The following CSNK1G3 variants were observed in gnomAD, a reference collection of about 807,000 sequenced individuals.
CSNK1G3 encodes casein kinase I isoform gamma-3.
A neutral mutation model predicts 64.3 loss-of-function variants in CSNK1G3; 23 were observed. The observed-to-expected ratio is 0.36, with a 90% CI of 0.26 to 0.51. The LOEUF (loss-of-function observed/expected upper bound fraction) is 0.51. CSNK1G3 is among the 20% of genes least tolerant of loss of function. CSNK1G3 has a pLI of 0.96. For synonymous variants in CSNK1G3, 158 were observed against 162.2 expected (o/e 0.97, Z 0.20); for missense variants, 357 against 510.5 (o/e 0.70, Z 2.90).
intron 12 of CSNK1G3, among the ~76,000 whole-genome samples, chr5:123,608,059 A>T (rs997765608): frequency 6.6e-6 from 1 of 152,076 alleles, no homozygotes; most frequent in Non-Finnish European, 1.5e-5. Flanking sequence ...CCCCCCCAGT[A>T]GGTGGGACTA....
intron 4 of CSNK1G3, among the ~76,000 whole-genome samples, chr5:123,569,440 A>G (rs1032630621): frequency 6.6e-6 from 1 of 152,220 alleles, no homozygotes; most frequent in African/African-American, 2.4e-5. Flanking sequence ...CATACATTAA[A>G]ATCCATTGTA....
chr5:123,612,422 A>G (rs940543164), intron 12 of CSNK1G3, among the ~76,000 whole-genome samples: 2 of 152,050 alleles, frequency 1.3e-5, no homozygotes, highest in African/African-American at 4.8e-5. Context: ...TATATAAAAC[A>G]TACCTAGTAG....
chr5:123,555,148 A>G (rs1784399893), intron 3 of CSNK1G3, among the ~76,000 whole-genome samples: 1 of 152,226 alleles, frequency 6.6e-6, no homozygotes, highest in South Asian at 2.1e-4. Flanking sequence ...TCTTTAAAGC[A>G]CAATGATCAG....
At chr5:123,527,229 C>T (rs1452639568) in intron 1 of CSNK1G3, among the ~76,000 whole-genome samples, 1 of 152,118 alleles carries the variant, frequency 6.6e-6, no homozygotes, top group African/African-American at 2.4e-5. Context: ...TGTTCTGGAA[C>T]TATTATTTCT....
chr5:123,571,903 T>C lies in CSNK1G3; in HGVS notation c.290-1490T>C, dbSNP rs144728460. Among the ~76,000 whole-genome samples, 614 of 152,244 alleles carry C rather than the reference T, an allele frequency of 4.0e-3. 6 individuals are homozygous for C. The highest frequency in any genetic ancestry group is 6.0e-3 in the Non-Finnish European group (409 of 68,000). ...CTTGTCTAAAAGAAAATGATAGTTATTTACGAGTGGGCATTACAATGGGAA... is the reference window on the plus strand; with the variant it reads ...CTTGTCTAAAAGAAAATGATAGTTACTTACGAGTGGGCATTACAATGGGAA... On this transcript the variant is annotated intron_variant, in intron 4 of 12. Transcript: ENST00000345990.
intron 10 of CSNK1G3, among the ~76,000 whole-genome samples, chr5:123,602,054 G>A (rs980563173): frequency 3.3e-5 from 5 of 151,746 alleles, no homozygotes; most frequent in Non-Finnish European, 5.9e-5. Context: ...GAGAGAGAGA[G>A]AAAAATAAAG....
chr5:123,552,435 C>T (rs6892566), intron 2 of CSNK1G3, among the ~76,000 whole-genome samples: 90,827 of 151,580 alleles, frequency 0.6, 28,347 homozygotes, highest in African/African-American at 0.78. Flanking sequence ...TGAGCCACCA[C>T]GCCCGGCCAT....
intron 1 of CSNK1G3, among the ~76,000 whole-genome samples, chr5:123,526,841 T>C (rs1490433301): frequency 3.5e-5 from 1 of 28,576 alleles, no homozygotes; most frequent in Non-Finnish European, 6.3e-5. Flanking sequence ...ATGTACAGAT[T>C]GTGTGTGTGT....
chr5:123,554,110 A>G (rs1784178981), intron 3 of CSNK1G3, among the ~76,000 whole-genome samples: 1 of 152,174 alleles, frequency 6.6e-6, no homozygotes, highest in Non-Finnish European at 1.5e-5. Context: ...TCCACTATTT[A>G]ATTTTAAGTA....
chr5:123,568,488 A>T (rs937610171), intron 4 of CSNK1G3, among the ~76,000 whole-genome samples: 1 of 152,204 alleles, frequency 6.6e-6, no homozygotes, highest in African/African-American at 2.4e-5. Flanking sequence ...TGTTTTTTTA[A>T]AAAATGTTTG....
intron 2 of CSNK1G3, among the ~76,000 whole-genome samples, chr5:123,549,888 G>A (rs1007156515): frequency 1.2e-4 from 19 of 152,162 alleles, no homozygotes; most frequent in Admixed American, 6.5e-5. Context: ...TGTAACTTTT[G>A]ACATAATTAA....
At chr5:123,580,182 T>A (rs7736607) in intron 6 of CSNK1G3, among the ~76,000 whole-genome samples, 1 of 151,908 alleles carries the variant, frequency 6.6e-6, no homozygotes, top group African/African-American at 2.4e-5. Flanking sequence ...TGGTGATTAC[T>A]TTTAAAGCCT....
At chr5:123,581,360 GTTTTTTTTTT>G (rs10612602) in intron 6 of CSNK1G3, among the ~76,000 whole-genome samples, 1 of 81,602 alleles carries the variant, frequency 1.2e-5, no homozygotes, top group East Asian at 3.5e-4. Flanking sequence ...TTTTGGGTTT[GTTTTTTTTTT>G]TTTTTTTTTT....
intron 1 of CSNK1G3, among the ~76,000 whole-genome samples, chr5:123,531,923 A>AATATT (rs1392588179): frequency 6.6e-6 from 1 of 151,826 alleles, no homozygotes; most frequent in Admixed American, 6.6e-5. Flanking sequence ...TTTTATTTTA[A>AATATT]TGGGTGCCTA....
At chr5:123,560,829 A>T (rs1209597686) in intron 4 of CSNK1G3, among the ~76,000 whole-genome samples, 4 of 152,100 alleles carry the variant, frequency 2.6e-5, no homozygotes, top group Non-Finnish European at 5.9e-5. Context: ...AGAAATGGGG[A>T]ATTATTGTTC....
exon 13 of CSNK1G3, chr5:123,614,368 A>T (rs772204810): frequency 3.1e-6 from 5 of 1,613,402 alleles, no homozygotes; most frequent in Non-Finnish European, 4.2e-6. Flanking sequence ...AAACGAAGGA[A>T]AAGGAAAACC....
rs940626922 is a variant in CSNK1G3, at chr5:123,571,160, G to T, written c.290-2233G>T. Among the ~76,000 whole-genome samples, 5 of 152,146 alleles carry T rather than the reference G, an allele frequency of 3.3e-5. No homozygotes were observed. In the East Asian group the frequency reaches 9.6e-4, roughly 29 times the overall value. On this transcript the variant is annotated intron_variant, in intron 4 of 12. Coordinates refer to ENST00000345990, the Ensembl canonical transcript of CSNK1G3. ...TGTGATGTGTGTGTGTTTGCAGGGG[G>T]TGGTGATACATACACATTGGGGTGT...
At chr5:123,548,128 A>G (rs1028281254) in intron 2 of CSNK1G3, among the ~76,000 whole-genome samples, 1 of 152,100 alleles carries the variant, frequency 6.6e-6, no homozygotes, top group African/African-American at 2.4e-5. Context: ...TTTTTGGGGT[A>G]GAATACTGTC....
At chr5:123,561,138 TTTACA>T (rs1472619838) in intron 4 of CSNK1G3, among the ~76,000 whole-genome samples, 1 of 152,230 alleles carries the variant, frequency 6.6e-6, no homozygotes, top group African/African-American at 2.4e-5. Flanking sequence ...AATATCCCTC[TTTACA>T]TTACATTATT....
Sources: gnomAD v4.1 joint callset for allele counts (sites outside exome capture counted in the v4.1 genomes callset) on GRCh38, gnomAD v4.1.1 for gene constraint, MANE v1.5 for transcripts, NCBI Gene and HGNC (gene_info 2026-07-23, HGNC 2026-07-21) for gene names.